Variants in HDAC9 observed in about 807,000 individuals in gnomAD.
HDAC9 encodes the protein MEF-2 interacting transcription repressor (MITR) protein.
Under a neutral mutation model 139.4 loss-of-function variants are expected in HDAC9, and 41 were observed. The ratio of observed to expected loss-of-function variants is 0.29; its 90% confidence interval spans 0.23 to 0.38. The LOEUF is 0.38. Among genes scored for constraint, HDAC9 ranks in the 10% least tolerant of loss-of-function variants. The probability of loss-of-function intolerance (pLI) is 1.00; values close to 1 mark genes in which losing one functional copy is unlikely to be tolerated. For synonymous variants in HDAC9, 517 were observed against 476.2 expected (o/e 1.09, Z -1.12); for missense variants, 1,147 against 1,297.0 (o/e 0.88, Z 1.78).
chr7:18,953,539 G>A (rs576309686), intron 23 of HDAC9, among the ~76,000 whole-genome samples: 34 of 152,260 alleles, frequency 2.2e-4, no homozygotes, highest in African/African-American at 7.7e-4. Context: ...TTTGGCCTGT[G>A]CTTACACACA....
chr7:18,405,130 C>G (rs1005090679), intron 1 of HDAC9, among the ~76,000 whole-genome samples: 1 of 152,154 alleles, frequency 6.6e-6, no homozygotes, highest in African/African-American at 2.4e-5. Flanking sequence ...TAGTGGCCCC[C>G]GGCAGGGAAT....
chr7:18,278,702 T>G (rs1290240690), intron 2 of HDAC9, among the ~76,000 whole-genome samples: 2 of 152,200 alleles, frequency 1.3e-5, no homozygotes, highest in East Asian at 3.8e-4. Context: ...TTAAATTGAC[T>G]AAAATATCAG....
intron 2 of HDAC9, among the ~76,000 whole-genome samples, chr7:18,571,633 T>A (rs538326462): frequency 6.6e-6 from 1 of 152,048 alleles, no homozygotes; most frequent in East Asian, 1.9e-4. Flanking sequence ...ATTTTTTATT[T>A]TTTTTTTTGG....
intron 12 of HDAC9, among the ~76,000 whole-genome samples, chr7:18,709,010 A>G (rs560788221): frequency 1.3e-5 from 2 of 152,288 alleles, no homozygotes; most frequent in South Asian, 2.1e-4. Flanking sequence ...TATTATTCAG[A>G]AAATAACATA....
intron 14 of HDAC9, among the ~76,000 whole-genome samples, chr7:18,754,699 C>G (rs1050986703): frequency 8.5e-5 from 13 of 152,062 alleles, no homozygotes; most frequent in Non-Finnish European, 7.4e-5. Context: ...GACGCAAAAC[C>G]AAGCTACTGT....
chr7:18,137,896 G>A (rs1283606131), intron 1 of HDAC9, among the ~76,000 whole-genome samples: 6 of 151,794 alleles, frequency 4.0e-5, no homozygotes, highest in Admixed American at 2.6e-4. Context: ...GTTCCTCCTT[G>A]TACCTCTGGT....
chr7:18,208,468 TG>T (rs1444304437), intron 2 of HDAC9, among the ~76,000 whole-genome samples: 3 of 150,122 alleles, frequency 2.0e-5, no homozygotes, highest in Non-Finnish European at 4.4e-5. Context: ...AACTAACTCC[TG>T]GGCTCAAGTG....
At chr7:18,383,718 TAA>T (rs79484446) in intron 1 of HDAC9, among the ~76,000 whole-genome samples, 1 of 141,730 alleles carries the variant, frequency 7.1e-6, no homozygotes, top group Non-Finnish European at 1.6e-5. Context: ...CCGTCTCTAC[TAA>T]AAAAAAAAAA....
At chr7:18,484,853 T>TA (rs71553929) in intron 1 of HDAC9, among the ~76,000 whole-genome samples, 34,993 of 139,274 alleles carry the variant, frequency 0.25, 5,254 homozygotes, top group Admixed American at 0.34. Flanking sequence ...ACCCCACCTG[T>TA]AAAAAAAAAA....
chr7:18,749,519 A>G (rs1788265131), intron 14 of HDAC9, among the ~76,000 whole-genome samples: 1 of 152,232 alleles, frequency 6.6e-6, no homozygotes, highest in African/African-American at 2.4e-5. Context: ...CAATTTTGCC[A>G]CATGGAAATG....
chr7:18,272,676 A>C (rs914486838), intron 2 of HDAC9, among the ~76,000 whole-genome samples: 1 of 152,164 alleles, frequency 6.6e-6, no homozygotes, highest in African/African-American at 2.4e-5. Context: ...ATTTAAATCA[A>C]TGGAGAAATA....
intron 17 of HDAC9, among the ~76,000 whole-genome samples, chr7:18,798,553 T>C (rs1300776685): frequency 1.3e-5 from 2 of 151,762 alleles, no homozygotes; most frequent in African/African-American, 2.4e-5. Context: ...GATAAGGGAG[T>C]GGATAATGGA....
At chr7:18,171,238 T>C (rs898588315) in intron 2 of HDAC9, among the ~76,000 whole-genome samples, 1 of 152,108 alleles carries the variant, frequency 6.6e-6, no homozygotes, top group Non-Finnish European at 1.5e-5. Flanking sequence ...ATGACTTGAC[T>C]CTCTGTTTGT....
intron 1 of HDAC9, among the ~76,000 whole-genome samples, chr7:18,409,138 G>C (rs1323900740): frequency 6.6e-6 from 1 of 152,138 alleles, no homozygotes; most frequent in African/African-American, 2.4e-5. Context: ...AGGTTTTGCT[G>C]TCTATGCCTT....
Position 19,001,911 on chromosome 7 carries a change from G to C in HDAC9, c.*5849G>C, listed in dbSNP as rs1344602964. 6.6e-6 allele frequency: 1 copy of C among 152,238 alleles called. No individual in the cohort carries two copies. Among genetic ancestry groups the C allele is most frequent in the Non-Finnish European group, 1.5e-5 (1 of 67,974 alleles). The allele number at this position is 152,238 out of a possible 1,614,324, so 9.4% of individuals were successfully genotyped here. A position where few individuals can be genotyped will look rare whatever the true frequency, so the allele number is the denominator to read the frequency against. On this transcript the variant is annotated 3_prime_UTR_variant, in exon 26 of 26. Coordinates refer to ENST00000686413, the MANE Select transcript of HDAC9 (RefSeq NM_178425.4). ...AGTACTTTTGTGATTAAACATTCTA[G>C]ACCAGGCTTGTTGATATGTATGCCA...
At chr7:18,233,245 A>G (rs1793589073) in intron 2 of HDAC9, among the ~76,000 whole-genome samples, 2 of 152,100 alleles carry the variant, frequency 1.3e-5, no homozygotes, top group Non-Finnish European at 2.9e-5. Flanking sequence ...AATTATTTTA[A>G]TGAGATTTTT....
intron 6 of HDAC9, among the ~76,000 whole-genome samples, chr7:18,627,784 T>G (rs1308835952): frequency 6.6e-6 from 1 of 152,168 alleles, no homozygotes; most frequent in Admixed American, 6.5e-5. Flanking sequence ...GACACCCTAC[T>G]TTTACAGCAT....
chr7:18,590,523 C>T (rs756808609), intron 4 of HDAC9, 37 bp downstream of exon 4: 23 of 1,559,820 alleles, frequency 1.5e-5, no homozygotes, highest in Non-Finnish European at 1.9e-5. Context: ...ACTCTCTTTC[C>T]TCATCGTTAG....
At chr7:18,850,081 T>TAA (rs11327408) in intron 21 of HDAC9, among the ~76,000 whole-genome samples, 2,981 of 82,232 alleles carry the variant, frequency 0.036, 62 homozygotes, top group Middle Eastern at 0.22. Context: ...AAAGCCTGAG[T>TAA]AAAAAAAAAA....
Sources: allele counts gnomAD v4.1 joint callset (sites outside exome capture counted in the v4.1 genomes callset), GRCh38; gene constraint gnomAD v4.1.1; transcripts MANE v1.5; gene names NCBI Gene and HGNC (gene_info 2026-07-23, HGNC 2026-07-21).